ZNF285: variants seen among roughly 807,000 people sequenced by gnomAD.
ZNF285 encodes zinc finger protein 285.
In ZNF285, 4 loss-of-function variants were observed where a neutral mutation model predicts 6.2. The ratio of observed to expected loss-of-function variants is 0.65; its 90% confidence interval spans 0.32 to 1.49. The LOEUF (loss-of-function observed/expected upper bound fraction) is 1.49, where lower values mean the gene tolerates loss of function less well. Among genes scored for constraint, ZNF285 ranks in the 40% most tolerant of loss-of-function variants. The probability of loss-of-function intolerance (pLI) is 0.07; values close to 1 mark genes in which losing one functional copy is unlikely to be tolerated. For synonymous variants in ZNF285, 240 were observed against 245.8 expected, an observed-to-expected ratio of 0.98 and a Z score of 0.22; for missense variants, 695 against 708.8, an observed-to-expected ratio of 0.98 and a Z score of 0.22.
At chr19:44,390,720 A>C (rs951012119) in intron 3 of ZNF285, among the ~76,000 whole-genome samples, 1 of 151,336 alleles carries the variant, frequency 6.6e-6, no homozygotes, top group African/African-American at 2.4e-5. Context: ...CCCCACCCAA[A>C]TCTCATCTTG....
chr19:44,393,663 G>C (rs554508043), intron 2 of ZNF285, among the ~76,000 whole-genome samples: 1 of 152,126 alleles, frequency 6.6e-6, no homozygotes, highest in African/African-American at 2.4e-5. Flanking sequence ...GGCTTTTGTT[G>C]CATCATCACT....
At position 44,394,396 on chromosome 19, in the gene ZNF285, A is replaced by C. The variant is rs1380622615; in HGVS notation, c.16-1930T>G. On this transcript the variant is annotated intron_variant, in intron 2 of 3. Transcript: ENST00000614994. ...CTGCAGGTTGTGCACATGTACCCTA[A>C]AACTTAAAGTATAATAAAAAAAAAA... 3 of 413,576 alleles carry C rather than the reference A, an allele frequency of 7.3e-6. No homozygotes were observed. In the African/African-American group the frequency reaches 7.5e-5, roughly 10 times the overall value. 25.6% of individuals were successfully genotyped at this position (413,576 alleles called of 1,614,324 possible). A position where few individuals can be genotyped will look rare whatever the true frequency, so the allele number is the denominator to read the frequency against.
intron 1 of ZNF285, 42 bp downstream of exon 1, chr19:44,401,526 T>C (rs1240690283): frequency 6.6e-6 from 1 of 152,374 alleles, no homozygotes; most frequent in East Asian, 1.9e-4. Flanking sequence ...CTCCTACTCC[T>C]GGCTACGCCT....
In ZNF285 at chr19:44,387,453, C is replaced by T. The variant is rs748726752; in HGVS notation, c.792G>A (p.Gln264=). 7.1e-5 allele frequency: 114 copies of T among 1,614,002 alleles called. No homozygotes were observed. Among genetic ancestry groups the T allele is most frequent in the Non-Finnish European group, 1.4e-5 (17 of 1,180,026 alleles). Residue 264 remains glutamine (Q), a synonymous_variant, in exon 4 of 4, where the codon CAG becomes CAA. Coordinates refer to ENST00000614994, the MANE Select transcript of ZNF285 (RefSeq NM_152354.6). ...HLGEKSYKCD[Q]YGKNFSQSQD... Reference sequence around the variant, plus strand: ...GGCTCTGACTAAAGTTCTTTCCATACTGGTCACATTTATAAGATTTTTCTC... The same window carrying T: ...GGCTCTGACTAAAGTTCTTTCCATATTGGTCACATTTATAAGATTTTTCTC...
rs566496376 is a variant in ZNF285 at position 44,397,427 on chromosome 19, C to T, written c.-43-171G>A. Reference sequence around the variant, plus strand: ...CTCCTCAAGACTTCCCTAGATTTGTCCCCAGTCCCTCAATCTCAGACCACT... The same window carrying T: ...CTCCTCAAGACTTCCCTAGATTTGTTCCCAGTCCCTCAATCTCAGACCACT... On this transcript the variant is annotated intron_variant, in intron 1 of 3. Coordinates refer to ENST00000614994, the MANE Select transcript of ZNF285 (RefSeq NM_152354.6). Among the ~76,000 whole-genome samples the T allele has an allele frequency of 3.9e-5, 6 of 152,266 alleles. No homozygotes were observed. The South Asian group carries it at 1.2e-3, about 32-fold the overall frequency.
intron 2 of ZNF285, chr19:44,396,923 T>C (rs1971290508): frequency 2.3e-6 from 1 of 428,914 alleles, no homozygotes; most frequent in African/African-American, 2.0e-5. Flanking sequence ...TGATTCTTTT[T>C]CCCTCATCGG....
Position 44,386,437 on chromosome 19 carries a change from TTC to T in ZNF285, c.*33_*34del, listed in dbSNP as rs1201079669. 8 of 1,586,530 alleles carry T rather than the reference TTC, an allele frequency of 5.0e-6. No homozygotes were observed. In the South Asian group the frequency reaches 8.1e-5, roughly 16 times the overall value. The stretch of plus-strand genomic sequence containing the variant: ...TCTATCATCTGGAATACAGTGTGGC[TTC>T]TGTTTTACTAATTGAACCCTGACTT... On this transcript the variant is annotated 3_prime_UTR_variant, in exon 4 of 4. Transcript: ENST00000614994.
At chr19:44,394,658 C>A in intron 2 of ZNF285, 1 of 440,308 alleles carries the variant, frequency 2.3e-6, no homozygotes, top group South Asian at 5.7e-5. Context: ...TCGCACTGCT[C>A]AGAGTTAAGT....
chr19:44,387,478 C>A lies in ZNF285; in HGVS notation c.767G>T (p.Gly256Val). The A allele has an allele frequency of 6.2e-7, 1 of 1,614,022 alleles. No individual in the cohort carries two copies. Among genetic ancestry groups the A allele is most frequent in the East Asian group, 2.2e-5 (1 of 44,892 alleles). ...DPHVHHSTHL[G>V]EKSYKCDQYG... ...CTGGTCACATTTATAAGATTTTTCT[C>A]CTAGGTGAGTGCTGTGATGGACATG... The change falls in exon 4 of 4, where the codon GGA (glycine) becomes GTA (valine). Residue 256 changes from glycine to valine, a missense_variant. Transcript: ENST00000614994.
chr19:44,396,026 T>C (rs1971274978), intron 2 of ZNF285, among the ~76,000 whole-genome samples: 1 of 152,132 alleles, frequency 6.6e-6, no homozygotes, highest in South Asian at 2.1e-4. Context: ...TGCTGTAATT[T>C]AGAAGATAGA....
At position 44,386,794 on chromosome 19, in the gene ZNF285, T is replaced by A; in HGVS notation, c.1451A>T (p.Tyr484Phe). The A allele has an allele frequency of 6.2e-7, 1 of 1,614,260 alleles. No individual in the cohort carries two copies. The highest frequency in any genetic ancestry group is 1.7e-5 in the Admixed American group (1 of 60,024). Residue 484 changes from tyrosine to phenylalanine, a missense_variant, in exon 4 of 4, where the codon TAT becomes TTT. Coordinates refer to ENST00000614994, the MANE Select transcript of ZNF285 (RefSeq NM_152354.6). ...HQRVHTGEKP[Y>F]KCEVCGKCFS... is the part of the protein sequence containing the mutation. ...GCACTTTCCACACACTTCACATTTA[T>A]ATGGTTTTTCTCCAGTGTGAACTCT...
chr19:44,399,963 A>C (rs1243456050), intron 1 of ZNF285, among the ~76,000 whole-genome samples: 2 of 150,924 alleles, frequency 1.3e-5, no homozygotes, highest in African/African-American at 4.9e-5. Context: ...AAGGGCAGCT[A>C]ATCTGTGACA....
intron 2 of ZNF285, among the ~76,000 whole-genome samples, chr19:44,396,134 A>G (rs1971276737): frequency 6.6e-6 from 1 of 152,162 alleles, no homozygotes; most frequent in Non-Finnish European, 1.5e-5. Flanking sequence ...ATAATAAGGT[A>G]CTATACAAAA....
In ZNF285 at chr19:44,387,075, A is replaced by T; in HGVS notation, c.1170T>A (p.His390Gln). The T allele has an allele frequency of 6.2e-7, 1 of 1,614,148 alleles. No homozygotes were observed. The highest frequency in any genetic ancestry group is 8.5e-7 in the Non-Finnish European group (1 of 1,180,032). The change falls in exon 4 of 4, where the codon CAT (histidine) becomes CAA (glutamine). Residue 390 changes from histidine (H) to glutamine (Q), a missense_variant. Physicochemically the swap from His to Gln is conservative, Grantham distance 24. Coordinates refer to ENST00000614994, the MANE Select transcript of ZNF285 (RefSeq NM_152354.6). Reference sequence around the variant, plus strand: ...GCTTCTCTCCAGTGTGGACTCTCTGATGGACAAGAAGGTTGGAGCTCTGAT... The same window carrying T: ...GCTTCTCTCCAGTGTGGACTCTCTGTTGGACAAGAAGGTTGGAGCTCTGAT... The part of the protein sequence containing the change: ...GFDQSSNLLV[H>Q]QRVHTGEKPY...
chr19:44,391,940 C>T (rs952748953), intron 3 of ZNF285, among the ~76,000 whole-genome samples: 3 of 152,112 alleles, frequency 2.0e-5, no homozygotes, highest in African/African-American at 4.8e-5. Context: ...CCTTTAACAC[C>T]GGTTTATCCA....
At chr19:44,391,759 T>C (rs947635425) in intron 3 of ZNF285, among the ~76,000 whole-genome samples, 2 of 152,060 alleles carry the variant, frequency 1.3e-5, no homozygotes, top group African/African-American at 2.4e-5. Context: ...CTGTATCTCA[T>C]AAACTAAACT....
intron 3 of ZNF285, among the ~76,000 whole-genome samples, chr19:44,389,955 C>T (rs562696505): frequency 1.3e-5 from 2 of 152,278 alleles, no homozygotes; most frequent in African/African-American, 4.8e-5. Context: ...TTCTTATAAG[C>T]TGTGTGATCG....
At chr19:44,393,143 T>C (rs1346662377) in intron 2 of ZNF285, among the ~76,000 whole-genome samples, 1 of 152,134 alleles carries the variant, frequency 6.6e-6, no homozygotes, top group Non-Finnish European at 1.5e-5. Context: ...CTCTTATTCT[T>C]AGGAGATACA....
In ZNF285 at chr19:44,383,469, G is replaced by A. The variant is rs191343987; in HGVS notation, c.*3003C>T. 6.6e-6 allele frequency: 1 copy of A among 152,240 alleles called. No homozygotes were observed. The highest frequency in any genetic ancestry group is 1.5e-5 in the Non-Finnish European group (1 of 68,034). 9.4% of individuals were successfully genotyped at this position (152,240 alleles called of 1,614,324 possible). A position where few individuals can be genotyped will look rare whatever the true frequency, so the allele number is the denominator to read the frequency against. ...CCATGATGACAGAGAGAACTTCGTT[G>A]TCTCATCTATGACCATCATAAAACA... On this transcript the variant is annotated 3_prime_UTR_variant, in exon 4 of 4. Transcript: ENST00000614994.
Sources: allele counts gnomAD v4.1 joint callset (sites outside exome capture counted in the v4.1 genomes callset), GRCh38; gene constraint gnomAD v4.1.1; transcripts MANE v1.5; gene names NCBI Gene and HGNC (gene_info 2026-07-23, HGNC 2026-07-21).